Variants in KPNA5 observed in about 807,000 individuals in gnomAD.
The protein encoded by KPNA5 is importin subunit alpha-6.
A neutral mutation model predicts 71.3 loss-of-function variants in KPNA5; 46 were observed. The observed-to-expected ratio is 0.65, with a 90% CI of 0.51 to 0.83. KPNA5 has a LOEUF of 0.83. KPNA5 is among the 40% of genes least tolerant of loss of function. The pLI is 0.00. For synonymous variants in KPNA5, 207 were observed against 201.4 expected (o/e 1.03, Z -0.24); for missense variants, 547 against 628.3 (o/e 0.87, Z 1.38).
chr6:116,686,938 T>C (rs1777612227), intron 1 of KPNA5, among the ~76,000 whole-genome samples: 2 of 152,374 alleles, frequency 1.3e-5, no homozygotes, highest in Non-Finnish European at 1.5e-5. Flanking sequence ...TGTAGCCCTG[T>C]AGTACAGATT....
At chr6:116,696,390 C>T (rs1778030248) in intron 4 of KPNA5, among the ~76,000 whole-genome samples, 1 of 152,114 alleles carries the variant, frequency 6.6e-6, no homozygotes, top group African/African-American at 2.4e-5. Context: ...GAACTGGAAG[C>T]AGAAACAACA....
At chr6:116,711,848 C>T (rs1201507014) in intron 7 of KPNA5, among the ~76,000 whole-genome samples, 2 of 152,080 alleles carry the variant, frequency 1.3e-5, no homozygotes, top group Non-Finnish European at 2.9e-5. Flanking sequence ...TCTCAAATCC[C>T]TGCCTCACGT....
chr6:116,708,183 A>T (rs1401636925), intron 7 of KPNA5, among the ~76,000 whole-genome samples: 1 of 152,110 alleles, frequency 6.6e-6, no homozygotes, highest in East Asian at 1.9e-4. Flanking sequence ...CCACCTTTTG[A>T]CTACTGTAAA....
At chr6:116,713,092 AAAAG>A (rs1354260375) in intron 7 of KPNA5, among the ~76,000 whole-genome samples, 2 of 152,122 alleles carry the variant, frequency 1.3e-5, no homozygotes, top group African/African-American at 4.8e-5. Context: ...TGTAGGGAAA[AAAAG>A]AGGAATTACA....
At chr6:116,699,218 A>T (rs1392587242) in intron 5 of KPNA5, among the ~76,000 whole-genome samples, 1 of 152,090 alleles carries the variant, frequency 6.6e-6, no homozygotes, top group Non-Finnish European at 1.5e-5. Context: ...ATTTAGTATT[A>T]TCTAGTAGAA....
At position 116,732,298 on chromosome 6, in the gene KPNA5, C is replaced by T; in HGVS notation, c.1595C>T (p.Ala532Val). 6.6e-7 allele frequency: 1 copy of T among 1,518,172 alleles called. No homozygotes were observed. Among genetic ancestry groups the T allele is most frequent in the Non-Finnish European group, 8.9e-7 (1 of 1,129,548 alleles). The allele number at this position is 1,518,172 out of a possible 1,614,324, so 94.0% of individuals were successfully genotyped here. A position where few individuals can be genotyped will look rare whatever the true frequency, so the allele number is the denominator to read the frequency against. ...QQQFIFQQQE[A>V]PMDGFQL ...CAGTTTATATTTCAGCAGCAGGAAG[C>T]ACCAATGGATGGATTTCAACTTTAA... The change falls in exon 14 of 14, where the codon GCA (alanine) becomes GTA (valine). Residue 532 changes from alanine (A) to valine (V), a missense_variant. Physicochemically the swap from Ala to Val is moderately conservative, Grantham distance 64 (BLOSUM62 0). Transcript: ENST00000368564.
chr6:116,723,941 T>A (rs1779206446), intron 9 of KPNA5, among the ~76,000 whole-genome samples: 1 of 152,126 alleles, frequency 6.6e-6, no homozygotes, highest in South Asian at 2.1e-4. Context: ...AAAAACAGAT[T>A]GGGATATAAT....
At chr6:116,731,106 G>T (rs186957453) in intron 13 of KPNA5, among the ~76,000 whole-genome samples, 9 of 151,996 alleles carry the variant, frequency 5.9e-5, no homozygotes, top group African/African-American at 2.2e-4. Flanking sequence ...TAAAAATTAG[G>T]TTCTTAAAAC....
At chr6:116,698,841 CAT>C (rs776570620) in intron 5 of KPNA5, 43 bp downstream of exon 5, 18 of 1,169,930 alleles carry the variant, frequency 1.5e-5, no homozygotes, top group African/African-American at 1.6e-5. Flanking sequence ...CTAGAAATGA[CAT>C]GTTAAAGTTT....
Position 116,690,526 on chromosome 6 carries a change from C to G in KPNA5, c.138+1073C>G, listed in dbSNP as rs142291554. On this transcript the variant is annotated intron_variant, in intron 2 of 13. Coordinates refer to ENST00000368564, the MANE Select transcript of KPNA5 (RefSeq NM_001366306.2). ...TGCGTGGTGGCTGGCGCCTGTTGTCCCAGCTACTCAGGAGGCTGAGGCAGG... is the reference window on the plus strand; with the variant it reads ...TGCGTGGTGGCTGGCGCCTGTTGTCGCAGCTACTCAGGAGGCTGAGGCAGG... Among the ~76,000 whole-genome samples, 1,516 of 151,846 alleles carry G rather than the reference C, an allele frequency of 1.0e-2. 26 individuals carry two copies. Among genetic ancestry groups the G allele is most frequent in the African/African-American group, 0.034 (1,412 of 41,404 alleles).
At chr6:116,725,677 A>C in intron 10 of KPNA5, 74 bp from the exon 11 acceptor site, 1 of 1,305,540 alleles carries the variant, frequency 7.7e-7, no homozygotes, top group Middle Eastern at 2.3e-4. Context: ...TGTACATCTA[A>C]ATAATTCATT....
chr6:116,710,894 T>TATATATATATA (rs57807333), intron 7 of KPNA5, among the ~76,000 whole-genome samples: 1,355 of 79,008 alleles, frequency 0.017, 82 homozygotes, highest in African/African-American at 0.037. Context: ...TATATATATA[T>TATATATATATA]TTTTTTTTTT....
In KPNA5 at chr6:116,733,338, A is replaced by G. The variant is rs1583453115; in HGVS notation, c.*1015A>G. The G allele has an allele frequency of 6.6e-6, 1 of 151,852 alleles. No individual in the cohort carries two copies. The highest frequency in any genetic ancestry group is 1.5e-5 in the Non-Finnish European group (1 of 67,686). The allele number at this position is 151,852 out of a possible 1,614,324, so 9.4% of individuals were successfully genotyped here. On this transcript the variant is annotated 3_prime_UTR_variant, in exon 14 of 14. Transcript: ENST00000368564. ...ATTACCCTGAAGAAATAACCTTATT[A>G]TGTGTTAAATTGTATTAAATGCATT...
intron 8 of KPNA5, among the ~76,000 whole-genome samples, chr6:116,721,372 C>T (rs1187996690): frequency 6.6e-6 from 1 of 151,776 alleles, no homozygotes; most frequent in African/African-American, 2.4e-5. Context: ...AGGCTGGTCT[C>T]GAACTCCTGA....
intron 5 of KPNA5, 50 bp from the exon 6 acceptor site, chr6:116,701,969 C>G (rs768301873): frequency 6.4e-7 from 1 of 1,568,132 alleles, no homozygotes; most frequent in Non-Finnish European, 8.6e-7. Flanking sequence ...CTTTGCCTTT[C>G]TGACAATTCT....
At chr6:116,687,462 T>C (rs1445680243) in intron 1 of KPNA5, among the ~76,000 whole-genome samples, 1 of 152,204 alleles carries the variant, frequency 6.6e-6, no homozygotes, top group African/African-American at 2.4e-5. Flanking sequence ...TGTGTCTTGA[T>C]TGTGATAGTT....
chr6:116,684,233 A>G (rs1268145511), intron 1 of KPNA5, among the ~76,000 whole-genome samples: 2 of 152,082 alleles, frequency 1.3e-5, no homozygotes, highest in African/African-American at 4.8e-5. Context: ...GTTTCTAATG[A>G]TATCTATTTG....
chr6:116,710,116 A>C (rs565816460), intron 7 of KPNA5, among the ~76,000 whole-genome samples: 1 of 152,122 alleles, frequency 6.6e-6, no homozygotes, highest in Non-Finnish European at 1.5e-5. Context: ...TTTTGCATCC[A>C]ATGAGATAAC....
chr6:116,741,114 T>G lies in KPNA5; in HGVS notation c.*8791T>G, dbSNP rs1393661690. On this transcript the variant is annotated 3_prime_UTR_variant, in exon 14 of 14. Coordinates refer to ENST00000368564, the MANE Select transcript of KPNA5 (RefSeq NM_001366306.2). The stretch of plus-strand genomic sequence containing the variant: ...GATACTTGCTTTATGATCTGATATG[T>G]GTTGGTTTTAGTGAAATGGCCCATG... 6.6e-6 allele frequency: 1 copy of G among 152,154 alleles called. No homozygotes were observed. Among genetic ancestry groups the G allele is most frequent in the African/African-American group, 2.4e-5 (1 of 41,452 alleles). The allele number at this position is 152,154 out of a possible 1,614,324, so 9.4% of individuals were successfully genotyped here. A position where few individuals can be genotyped will look rare whatever the true frequency, so the allele number is the denominator to read the frequency against.
Sources: allele counts gnomAD v4.1 joint callset (sites outside exome capture counted in the v4.1 genomes callset), GRCh38; gene constraint gnomAD v4.1.1; transcripts MANE v1.5; gene names NCBI Gene and HGNC (gene_info 2026-07-23, HGNC 2026-07-21).